The following CLIP2 variants were observed in gnomAD, a reference collection of about 807,000 sequenced individuals.
The protein encoded by CLIP2 is CAP-Gly domain containing linker protein 2.
In CLIP2, 41 loss-of-function variants were observed where a neutral mutation model predicts 111.7. That is an observed-to-expected ratio of 0.37 (90% CI 0.29 to 0.48). The LOEUF is 0.48. Ranked by LOEUF, CLIP2 falls within the 20% of genes least tolerant of loss-of-function variation. The pLI is 0.99. For synonymous variants in CLIP2, 660 were observed against 644.2 expected (o/e 1.02, Z -0.37); for missense variants, 1,160 against 1,422.1 (o/e 0.82, Z 2.96).
At chr7:74,343,854 G>A (rs537855824) in intron 3 of CLIP2, among the ~76,000 whole-genome samples, 31 of 152,072 alleles carry the variant, frequency 2.0e-4, no homozygotes, top group African/African-American at 4.6e-4. Flanking sequence ...AGTGAGCCAC[G>A]ATGGGACCAC....
rs1289398649 is a variant in CLIP2 at position 74,311,002 on chromosome 7, C to A, written c.-67-6478C>A. 2.8e-5 allele frequency among the ~76,000 whole-genome samples: 4 copies of A among 143,742 alleles called. No homozygotes were observed. The South Asian group carries it at 8.8e-4, about 32-fold the overall frequency. 94.3% of individuals were successfully genotyped at this position (143,742 alleles called of 152,430 possible). A position where few individuals can be genotyped will look rare whatever the true frequency, so the allele number is the denominator to read the frequency against. The stretch of plus-strand genomic sequence containing the variant: ...TTTTAACTTTTTTTTTTTTTTGAGA[C>A]GGAGTCTTGCTCTGTTGCCCAGGCT... On this transcript the variant is annotated intron_variant, in intron 1 of 16. Coordinates refer to ENST00000223398, the MANE Select transcript of CLIP2 (RefSeq NM_003388.5).
chr7:74,383,339 A>C (rs1790998191), intron 11 of CLIP2, among the ~76,000 whole-genome samples: 1 of 152,066 alleles, frequency 6.6e-6, no homozygotes, highest in Non-Finnish European at 1.5e-5. Flanking sequence ...ATTGTCCTTA[A>C]ATTCACTTAT....
chr7:74,322,778 T>G (rs949182672), intron 2 of CLIP2, among the ~76,000 whole-genome samples: 6 of 152,114 alleles, frequency 3.9e-5, no homozygotes, highest in African/African-American at 1.4e-4. Flanking sequence ...GTCACCAGGC[T>G]CAAGTGCAGT....
intron 3 of CLIP2, among the ~76,000 whole-genome samples, chr7:74,340,480 C>T (rs1584341811): frequency 6.6e-6 from 1 of 152,156 alleles, no homozygotes; most frequent in Admixed American, 6.6e-5. Context: ...AGCTACAACT[C>T]GAGTGATCAG....
At chr7:74,314,527 G>A (rs1012350757) in intron 1 of CLIP2, among the ~76,000 whole-genome samples, 11 of 152,122 alleles carry the variant, frequency 7.2e-5, no homozygotes, top group African/African-American at 2.7e-4. Context: ...GTGAAGAAAA[G>A]GTTTCTTCAA....
intron 3 of CLIP2, among the ~76,000 whole-genome samples, chr7:74,349,835 T>C (rs1430215263): frequency 6.6e-6 from 1 of 150,914 alleles, no homozygotes; most frequent in African/African-American, 2.4e-5. Context: ...GGCTGGTCTT[T>C]AGCTCCTGAC....
intron 14 of CLIP2, among the ~76,000 whole-genome samples, chr7:74,397,581 G>C (rs529419604): frequency 1.8e-4 from 28 of 151,986 alleles, no homozygotes; most frequent in African/African-American, 6.0e-4. Flanking sequence ...TCCTGCAGTG[G>C]GGCTTCACAC....
intron 2 of CLIP2, among the ~76,000 whole-genome samples, chr7:74,331,966 A>C (rs1789297883): frequency 6.7e-6 from 1 of 150,266 alleles, no homozygotes; most frequent in Non-Finnish European, 1.5e-5. Context: ...GGTCACATGT[A>C]GGCAGTAGCT....
Position 74,376,030 on chromosome 7 carries a change from G to A in CLIP2, c.1629G>A (p.Leu543=). ...ACCACCCAGACGCCGCCGAGATCCT[G>A]CGGCTACGGGAGCGGCTGCTCTCGG... The part of the protein sequence containing the change: ...PPDHPDAAEI[L]RLRERLLSAS... Residue 543 remains leucine, a synonymous_variant, in exon 10 of 17, where the codon CTG becomes CTA. Transcript: ENST00000223398. The surrounding 1 kb of genome is among the most constrained non-coding windows in gnomAD (Gnocchi z 7.1). The A allele has an allele frequency of 1.2e-6, 2 of 1,613,008 alleles. No individual in the cohort carries two copies. The highest frequency in any genetic ancestry group is 1.7e-6 in the Non-Finnish European group (2 of 1,179,960).
intron 1 of CLIP2, among the ~76,000 whole-genome samples, chr7:74,310,716 CTT>C (rs782004421): frequency 9.8e-5 from 14 of 142,890 alleles, no homozygotes; most frequent in East Asian, 2.0e-4. Flanking sequence ...TTTTAACTTT[CTT>C]TTTTTTTTTT....
intron 3 of CLIP2, 86 bp from the exon 4 acceptor site, chr7:74,353,794 A>C: frequency 1.3e-6 from 2 of 1,582,264 alleles, no homozygotes; most frequent in Non-Finnish European, 1.7e-6. Flanking sequence ...GAAGGGATGG[A>C]TGGGATAAGC....
intron 3 of CLIP2, among the ~76,000 whole-genome samples, chr7:74,351,151 GAA>G (rs34500448): frequency 9.3e-5 from 14 of 150,208 alleles, no homozygotes; most frequent in Non-Finnish European, 3.0e-5. Flanking sequence ...GAGAGAGAGA[GAA>G]AGAAAGAGAA....
At position 74,405,312 on chromosome 7, in the gene CLIP2, C is replaced by T. The variant is rs1791741343; in HGVS notation, c.*1464C>T. 1 of 152,236 alleles carries T rather than the reference C, an allele frequency of 6.6e-6. No individual in the cohort carries two copies. The highest frequency in any genetic ancestry group is 1.5e-5 in the Non-Finnish European group (1 of 68,110). The allele number at this position is 152,236 out of a possible 1,614,324, so 9.4% of individuals were successfully genotyped here. A position where few individuals can be genotyped will look rare whatever the true frequency, so the allele number is the denominator to read the frequency against. ...CTCCGGCAGCTCAGGGAGTGTTTTC[C>T]TGTGAGGCCTCCCCCATCAGTGGAC... On this transcript the variant is annotated 3_prime_UTR_variant, in exon 17 of 17. Transcript: ENST00000223398.
At chr7:74,328,084 G>A (rs1032932702) in intron 2 of CLIP2, among the ~76,000 whole-genome samples, 4 of 152,136 alleles carry the variant, frequency 2.6e-5, no homozygotes, top group Admixed American at 2.6e-4. Flanking sequence ...CAGAGGCTGG[G>A]CCTGGGGTGA....
intron 13 of CLIP2, among the ~76,000 whole-genome samples, chr7:74,392,848 T>TA (rs1207999283): frequency 6.6e-5 from 10 of 152,068 alleles, no homozygotes; most frequent in African/African-American, 1.2e-4. Context: ...AACACAATTT[T>TA]AAAAAATAAC....
chr7:74,389,921 T>G (rs1361059325), intron 13 of CLIP2, among the ~76,000 whole-genome samples: 2 of 14,456 alleles, frequency 1.4e-4, no homozygotes, highest in Non-Finnish European at 3.2e-4. Context: ...AATAATAAAG[T>G]TTTTTTTTTT....
At chr7:74,318,853 G>A (rs1788865650) in intron 2 of CLIP2, among the ~76,000 whole-genome samples, 1 of 152,170 alleles carries the variant, frequency 6.6e-6, no homozygotes, top group Admixed American at 6.6e-5. Context: ...TTGGTACAAA[G>A]TTTGGAGAGA....
In CLIP2 at chr7:74,291,985, C is replaced by T. The variant is rs149675086; in HGVS notation, c.-68+2251C>T. Among the ~76,000 whole-genome samples, 142 of 147,448 alleles carry T rather than the reference C, an allele frequency of 9.6e-4. 1 individual carries two copies. Among genetic ancestry groups the T allele is most frequent in the African/African-American group, 3.3e-3 (129 of 38,998 alleles). On this transcript the variant is annotated intron_variant, in intron 1 of 16. Transcript: ENST00000223398. ...TGTTGCCCAGACTTGAGTGCAATGG[C>T]GCGATCTTGGCTCACTGTAACCTCT... is the stretch of plus-strand genomic sequence containing the variant.
chr7:74,291,398 G>A (rs549588262), intron 1 of CLIP2, among the ~76,000 whole-genome samples: 1 of 152,340 alleles, frequency 6.6e-6, no homozygotes, highest in South Asian at 2.1e-4. Context: ...TCCGGCATCT[G>A]CTGTCTACCT....
Sources: gnomAD v4.1 joint callset for allele counts (sites outside exome capture counted in the v4.1 genomes callset) on GRCh38, gnomAD v4.1.1 for gene constraint, Gnocchi (gnomAD v3.1) non-coding constraint, MANE v1.5 for transcripts, NCBI Gene and HGNC (gene_info 2026-07-23, HGNC 2026-07-21) for gene names.